The following CELF4 variants were observed in gnomAD, a reference collection of about 807,000 sequenced individuals.
CELF4 encodes the protein CUG-BP- and ETR-3-like factor 4.
A neutral mutation model predicts 59.9 loss-of-function variants in CELF4; 18 were observed. That is an observed-to-expected ratio of 0.30 (90% CI 0.21 to 0.45). The LOEUF is 0.45. Ranked by LOEUF, CELF4 falls within the 20% of genes least tolerant of loss-of-function variation. CELF4 has a pLI of 1.00. For synonymous variants in CELF4, 261 were observed against 267.1 expected, an observed-to-expected ratio of 0.98 and a Z score of 0.22; for missense variants, 456 against 689.0, an observed-to-expected ratio of 0.66 and a Z score of 3.79.
intron 2 of CELF4, among the ~76,000 whole-genome samples, chr18:37,343,178 C>T (rs552881886): frequency 6.6e-6 from 1 of 152,174 alleles, no homozygotes; most frequent in South Asian, 2.1e-4. Flanking sequence ...GTCTTCTACC[C>T]TTACTTTCTG....
intron 2 of CELF4, among the ~76,000 whole-genome samples, chr18:37,479,488 A>T (rs2099860190): frequency 6.6e-6 from 1 of 152,172 alleles, no homozygotes; most frequent in Non-Finnish European, 1.5e-5. Context: ...TAGCATCTCC[A>T]ATGTCAAATG....
intron 2 of CELF4, among the ~76,000 whole-genome samples, chr18:37,354,831 C>T (rs534996205): frequency 1.3e-5 from 2 of 152,342 alleles, no homozygotes; most frequent in East Asian, 3.9e-4. Flanking sequence ...TCTAAATGCT[C>T]ACCCTGCTGT....
intron 1 of CELF4, among the ~76,000 whole-genome samples, chr18:37,499,391 G>A (rs2099928862): frequency 6.6e-6 from 1 of 152,178 alleles, no homozygotes; most frequent in Admixed American, 6.5e-5. Context: ...GGGAGGGCTG[G>A]AGAGAGGAAA....
chr18:37,420,885 C>G (rs962517582), intron 2 of CELF4, among the ~76,000 whole-genome samples: 2 of 152,208 alleles, frequency 1.3e-5, no homozygotes, highest in South Asian at 2.1e-4. Flanking sequence ...CTTGAGGGAC[C>G]AAATGACCTT....
rs2090987312 is a variant in CELF4, at chr18:37,271,054, T to A, written c.950-137A>T. 4.4e-6 allele frequency: 3 copies of A among 687,292 alleles called. No individual in the cohort carries two copies. In the East Asian group the frequency reaches 8.4e-5, roughly 19 times the overall value. 42.6% of individuals were successfully genotyped at this position (687,292 alleles called of 1,614,324 possible). A position where few individuals can be genotyped will look rare whatever the true frequency, so the allele number is the denominator to read the frequency against. Reference sequence around the variant, plus strand: ...ACTTGGACCTCACATACCAGTTCAATCTTATCTATGACCCATGCCTTGGCT... The same window carrying A: ...ACTTGGACCTCACATACCAGTTCAAACTTATCTATGACCCATGCCTTGGCT... On this transcript the variant is annotated intron_variant, in intron 7 of 12. Coordinates refer to ENST00000420428, the MANE Select transcript of CELF4 (RefSeq NM_020180.4).
At chr18:37,390,199 A>G (rs924537687) in intron 2 of CELF4, among the ~76,000 whole-genome samples, 1 of 152,144 alleles carries the variant, frequency 6.6e-6, no homozygotes, top group Non-Finnish European at 1.5e-5. Flanking sequence ...GGGAGCCTGC[A>G]GCGTGGGTTA....
rs113956901 is a variant in CELF4 at position 37,366,443 on chromosome 18, G to A, written c.370-44562C>T. On this transcript the variant is annotated intron_variant, in intron 2 of 12. Coordinates refer to ENST00000420428, the MANE Select transcript of CELF4 (RefSeq NM_020180.4). ...GATGGCTCCTATTCCATTTTTGCAA[G>A]CAAAGCACTGAGGCTGAGAGGTGGG... 6.0e-3 allele frequency among the ~76,000 whole-genome samples: 916 copies of A among 152,252 alleles called. 5 individuals are homozygous for A. The highest frequency in any genetic ancestry group is 0.01 in the Middle Eastern group (3 of 294).
Position 37,253,916 on chromosome 18 carries a change from C to A in CELF4, c.1356G>T (p.Pro452=), listed in dbSNP as rs766097831. 12 of 1,603,226 alleles carry A rather than the reference C, an allele frequency of 7.5e-6. No homozygotes were observed. In the South Asian group the frequency reaches 1.1e-4, roughly 15 times the overall value. Residue 452 remains proline, a synonymous_variant, in exon 12 of 13, where the codon CCG becomes CCT. Coordinates refer to ENST00000420428, the MANE Select transcript of CELF4 (RefSeq NM_020180.4). This position sits in a 1 kb window ranked among gnomAD's most constrained non-coding sequence, Gnocchi z 4.5. ...LPFGFVSFDN[P]ASAQTAIQAM... ...CCTGGATGGCGGTCTGCGCGCTGGC[C>A]GGGTTGTCGAAGCTCACGAAGCCTG...
intron 2 of CELF4, among the ~76,000 whole-genome samples, chr18:37,454,036 A>G (rs1001985657): frequency 6.6e-6 from 1 of 152,248 alleles, no homozygotes; most frequent in East Asian, 1.9e-4. Flanking sequence ...CCAATGAGCC[A>G]GCATTCCTCT....
chr18:37,280,170 T>C (rs2093946140), intron 3 of CELF4, among the ~76,000 whole-genome samples: 1 of 152,166 alleles, frequency 6.6e-6, no homozygotes, highest in African/African-American at 2.4e-5. Flanking sequence ...GCGCAGGAGC[T>C]GGGGCTGGGG....
chr18:37,403,943 C>G (rs2099356608), intron 2 of CELF4, among the ~76,000 whole-genome samples: 1 of 152,188 alleles, frequency 6.6e-6, no homozygotes, highest in Non-Finnish European at 1.5e-5. Context: ...GCTCTCAGTG[C>G]CCATGGCTGG....
At chr18:37,309,366 GT>G (rs1385960754) in intron 3 of CELF4, among the ~76,000 whole-genome samples, 1 of 152,160 alleles carries the variant, frequency 6.6e-6, no homozygotes, top group Non-Finnish European at 1.5e-5. Context: ...TCACCCAATT[GT>G]GCAGGGCTGC....
intron 2 of CELF4, among the ~76,000 whole-genome samples, chr18:37,454,175 A>G (rs1379136420): frequency 2.0e-5 from 3 of 152,370 alleles, no homozygotes; most frequent in East Asian, 1.9e-4. Context: ...AGATTTGTGC[A>G]CTGGGAAGCA....
intron 1 of CELF4, among the ~76,000 whole-genome samples, chr18:37,518,727 G>A (rs76437929): frequency 0.026 from 3,890 of 152,256 alleles, 148 homozygotes; most frequent in African/African-American, 0.09. Flanking sequence ...AGAGTCCAGC[G>A]TGCCCCACAC....
chr18:37,433,179 A>T (rs1221217806), intron 2 of CELF4, among the ~76,000 whole-genome samples: 6 of 152,186 alleles, frequency 3.9e-5, no homozygotes, highest in Admixed American at 3.9e-4. Context: ...CTTCCCCAAG[A>T]AGTGACTGTG....
At chr18:37,508,788 T>C (rs889724313) in intron 1 of CELF4, among the ~76,000 whole-genome samples, 4 of 152,012 alleles carry the variant, frequency 2.6e-5, no homozygotes, top group African/African-American at 9.7e-5. Context: ...GCAGGAGGGG[T>C]GGTGGAAGCA....
intron 2 of CELF4, among the ~76,000 whole-genome samples, chr18:37,469,466 C>A (rs1290259675): frequency 6.6e-6 from 1 of 152,052 alleles, no homozygotes; most frequent in Non-Finnish European, 1.5e-5. Context: ...ACCAGCAGAC[C>A]CGCTGAGTTA....
intron 2 of CELF4, among the ~76,000 whole-genome samples, chr18:37,428,844 A>G (rs1020632067): frequency 2.6e-5 from 4 of 152,194 alleles, no homozygotes; most frequent in African/African-American, 9.6e-5. Flanking sequence ...GGCTGAGAAC[A>G]GGCCTTCTTT....
At chr18:37,451,798 C>T (rs77716985) in intron 2 of CELF4, among the ~76,000 whole-genome samples, 14,877 of 152,280 alleles carry the variant, frequency 0.098, 853 homozygotes, top group East Asian at 0.15. Flanking sequence ...CTCACATCAC[C>T]CACTCCATCC....
Sources: gnomAD v4.1 joint callset for allele counts (sites outside exome capture counted in the v4.1 genomes callset) on GRCh38, gnomAD v4.1.1 for gene constraint, Gnocchi (gnomAD v3.1) non-coding constraint, MANE v1.5 for transcripts, NCBI Gene and HGNC (gene_info 2026-07-23, HGNC 2026-07-21) for gene names.